IFT57: variants seen among roughly 807,000 people sequenced by gnomAD.
IFT57 encodes the protein intraflagellar transport 57.
A neutral mutation model predicts 56.8 loss-of-function variants in IFT57; 59 were observed. The observed-to-expected ratio is 1.04, with a 90% CI of 0.84 to 1.29. The LOEUF (loss-of-function observed/expected upper bound fraction) is 1.29. Among genes scored for constraint, IFT57 ranks in the 50% most tolerant of loss-of-function variants. The probability of loss-of-function intolerance (pLI) is 0.00; values close to 1 mark genes in which losing one functional copy is unlikely to be tolerated. For synonymous variants in IFT57, 209 were observed against 186.1 expected (o/e 1.12, Z -1.00); for missense variants, 470 against 522.1 (o/e 0.90, Z 0.97).
rs769778796 is a variant in IFT57, at chr3:108,218,527, A to AT, written c.494+7dup. 3.1e-5 allele frequency: 44 copies of AT among 1,414,544 alleles called. No individual in the cohort carries two copies. The highest frequency in any genetic ancestry group is 4.2e-5 in the Non-Finnish European group (43 of 1,032,130). 87.6% of individuals were successfully genotyped at this position (1,414,544 alleles called of 1,614,324 possible). ...AAAATTACTATCATCAGGGTGGGTAATTTTTACCTTTTCCAGGTGAAACCA... is the reference window on the plus strand; with the variant it reads ...AAAATTACTATCATCAGGGTGGGTAATTTTTTACCTTTTCCAGGTGAAACCA... On this transcript the variant is annotated splice_region_variant and intron_variant, in intron 3 of 10. Transcript: ENST00000264538.
chr3:108,163,940 A>G (rs1230992298), intron 9 of IFT57, among the ~76,000 whole-genome samples: 1 of 152,098 alleles, frequency 6.6e-6, no homozygotes, highest in African/African-American at 2.4e-5. Flanking sequence ...GTTAAACTTC[A>G]CCAAATGGCT....
At chr3:108,201,782 T>C (rs1257647350) in intron 5 of IFT57, among the ~76,000 whole-genome samples, 2 of 152,156 alleles carry the variant, frequency 1.3e-5, no homozygotes, top group East Asian at 1.9e-4. Context: ...TTAAAGTATT[T>C]AAGATATTAA....
At chr3:108,174,571 C>A (rs1180694882) in intron 6 of IFT57, among the ~76,000 whole-genome samples, 4 of 151,764 alleles carry the variant, frequency 2.6e-5, no homozygotes. Context: ...TCTACCTTCT[C>A]TTTAAGAGGT....
At chr3:108,194,990 G>A (rs1273242867) in intron 5 of IFT57, among the ~76,000 whole-genome samples, 2 of 152,082 alleles carry the variant, frequency 1.3e-5, no homozygotes, top group African/African-American at 4.8e-5. Context: ...AAGCTAAAAA[G>A]CTTCTGCACA....
At chr3:108,185,397 G>A (rs1209681543) in intron 6 of IFT57, among the ~76,000 whole-genome samples, 3 of 152,034 alleles carry the variant, frequency 2.0e-5, no homozygotes, top group Admixed American at 2.0e-4. Flanking sequence ...ATGACTAAAT[G>A]GCAGAAGATG....
chr3:108,205,473 T>A (rs1370041310), intron 5 of IFT57, among the ~76,000 whole-genome samples: 3 of 151,724 alleles, frequency 2.0e-5, no homozygotes, highest in African/African-American at 7.3e-5. Flanking sequence ...GCATCATTAA[T>A]AATAACTAAT....
rs1327491415 is a variant in IFT57, at chr3:108,222,331, G to C, written c.-9C>G. The C allele has an allele frequency of 1.9e-6, 3 of 1,602,496 alleles. No homozygotes were observed. The highest frequency in any genetic ancestry group is 1.3e-5 in the African/African-American group (1 of 74,742). On this transcript the variant is annotated 5_prime_UTR_variant, in exon 1 of 11. Coordinates refer to ENST00000264538, the MANE Select transcript of IFT57 (RefSeq NM_018010.4). ...GCCAGAGCAGCAGTCATCGCAGAAC[G>C]GACAGAGTCCAGCGTGGGCTCAGGC...
At chr3:108,215,844 A>G (rs2080369248) in intron 3 of IFT57, among the ~76,000 whole-genome samples, 1 of 152,202 alleles carries the variant, frequency 6.6e-6, no homozygotes, top group Admixed American at 6.5e-5. Context: ...AGTCCTTATA[A>G]GTTATCCAAG....
At chr3:108,175,233 G>A (rs768531422) in intron 6 of IFT57, among the ~76,000 whole-genome samples, 1 of 151,722 alleles carries the variant, frequency 6.6e-6, no homozygotes, top group African/African-American at 2.4e-5. Flanking sequence ...TACTGAAGAT[G>A]AATATTTCAC....
intron 5 of IFT57, among the ~76,000 whole-genome samples, chr3:108,204,969 T>C (rs2080301422): frequency 6.6e-6 from 1 of 152,214 alleles, no homozygotes; most frequent in South Asian, 2.1e-4. Context: ...TCTGCAAATG[T>C]AAGGTATTGA....
intron 5 of IFT57, among the ~76,000 whole-genome samples, chr3:108,204,959 T>C (rs1454305864): frequency 6.6e-6 from 1 of 152,178 alleles, no homozygotes; most frequent in East Asian, 1.9e-4. Context: ...TACAAAACGA[T>C]CTGCAAATGT....
At chr3:108,210,681 T>C (rs564511143) in intron 4 of IFT57, among the ~76,000 whole-genome samples, 1 of 152,102 alleles carries the variant, frequency 6.6e-6, no homozygotes, top group South Asian at 2.1e-4. Flanking sequence ...AACAGAATCA[T>C]GTTATCCCAC....
chr3:108,209,891 A>T (rs542922740), intron 4 of IFT57, among the ~76,000 whole-genome samples: 3 of 148,718 alleles, frequency 2.0e-5, no homozygotes, highest in Non-Finnish European at 3.0e-5. Flanking sequence ...GAACCATGTA[A>T]GCCAATTCCT....
intron 6 of IFT57, among the ~76,000 whole-genome samples, chr3:108,190,511 C>T (rs1463583195): frequency 2.0e-5 from 3 of 152,210 alleles, no homozygotes; most frequent in Non-Finnish European, 4.4e-5. Context: ...CTCCTTCCTG[C>T]GGCCTTGTAA....
At chr3:108,200,903 G>A (rs978356337) in intron 5 of IFT57, among the ~76,000 whole-genome samples, 1 of 152,096 alleles carries the variant, frequency 6.6e-6, no homozygotes, top group African/African-American at 2.4e-5. Flanking sequence ...GCTTTTCCTA[G>A]TCTTCTATGG....
At chr3:108,190,762 A>C (rs1368901461) in intron 6 of IFT57, among the ~76,000 whole-genome samples, 1 of 152,164 alleles carries the variant, frequency 6.6e-6, no homozygotes, top group Non-Finnish European at 1.5e-5. Flanking sequence ...CCTAAATCTT[A>C]TTAAATATGA....
chr3:108,167,369 C>G (rs1438170102), intron 7 of IFT57, among the ~76,000 whole-genome samples: 1 of 151,930 alleles, frequency 6.6e-6, no homozygotes, highest in East Asian at 1.9e-4. Context: ...ATAGCTCTAG[C>G]CTGGGACACA....
intron 6 of IFT57, among the ~76,000 whole-genome samples, chr3:108,188,721 T>C (rs1234480752): frequency 1.3e-5 from 2 of 152,202 alleles, no homozygotes; most frequent in Non-Finnish European, 2.9e-5. Flanking sequence ...AGGAGGACAC[T>C]GATGATTTAA....
In IFT57 at chr3:108,214,002, C is replaced by A; in HGVS notation, c.514G>T (p.Glu172Ter). The change falls in exon 4 of 11, where the codon GAA (glutamate) becomes TAA (stop). Residue 172 changes from glutamate (E) to a stop codon, truncating the protein, a stop_gained. Coordinates refer to ENST00000264538, the MANE Select transcript of IFT57 (RefSeq NM_018010.4). LOFTEE classifies it high-confidence loss of function. Reference sequence around the variant, plus strand: ...TCTGCAACGCTTTCTTCTTCTAATTCTTCTACTGGGTATATTGGCCTAAAA... The same window carrying A: ...TCTGCAACGCTTTCTTCTTCTAATTATTCTACTGGGTATATTGGCCTAAAA... ...TWKRPIYPVE[E>*]LEEESVAEDD... is the part of the protein sequence containing the mutation. 6.2e-7 allele frequency: 1 copy of A among 1,600,812 alleles called. No homozygotes were observed. The highest frequency in any genetic ancestry group is 8.6e-7 in the Non-Finnish European group (1 of 1,168,428).
Sources: allele counts gnomAD v4.1 joint callset (sites outside exome capture counted in the v4.1 genomes callset), GRCh38; gene constraint gnomAD v4.1.1; transcripts MANE v1.5; gene names NCBI Gene and HGNC (gene_info 2026-07-23, HGNC 2026-07-21).